The following PLEKHA5 variants were observed in gnomAD, a reference collection of about 807,000 sequenced individuals.
PLEKHA5 encodes pleckstrin homology domain-containing family A member 5.
PLEKHA5 carries 55 observed loss-of-function variants against 181.9 expected under a neutral mutation model. That is an observed-to-expected ratio of 0.30 (90% confidence interval 0.24 to 0.38). PLEKHA5 has a LOEUF of 0.38. PLEKHA5 is among the 10% of genes least tolerant of loss of function. The pLI is 1.00. For synonymous variants in PLEKHA5, 535 were observed against 529.4 expected, an observed-to-expected ratio of 1.01 and a Z score of -0.15; for missense variants, 1,432 against 1,549.5, an observed-to-expected ratio of 0.92 and a Z score of 1.27.
intron 3 of PLEKHA5, among the ~76,000 whole-genome samples, chr12:19,182,273 G>A (rs1016732320): frequency 6.6e-6 from 1 of 151,962 alleles, no homozygotes; most frequent in South Asian, 2.1e-4. Context: ...TTGTTTTTTC[G>A]CATCCAAGCG....
intron 3 of PLEKHA5, among the ~76,000 whole-genome samples, chr12:19,162,829 C>T (rs1046461216): frequency 1.3e-5 from 2 of 151,976 alleles, no homozygotes; most frequent in Non-Finnish European, 2.9e-5. Flanking sequence ...TAATTATGGG[C>T]GGTGATGGTG....
intron 3 of PLEKHA5, among the ~76,000 whole-genome samples, chr12:19,205,860 C>T (rs1313993453): frequency 6.6e-6 from 1 of 151,950 alleles, no homozygotes; most frequent in Non-Finnish European, 1.5e-5. Context: ...AGGTAAGACC[C>T]AGTTTGCATA....
chr12:19,345,512 C>A (rs1379648303), intron 22 of PLEKHA5, among the ~76,000 whole-genome samples: 3 of 151,734 alleles, frequency 2.0e-5, no homozygotes, highest in African/African-American at 7.3e-5. Flanking sequence ...GCCTGTAATC[C>A]CAGCACTTTG....
intron 3 of PLEKHA5, among the ~76,000 whole-genome samples, chr12:19,243,772 C>G (rs2063121099): frequency 6.6e-6 from 1 of 151,620 alleles, no homozygotes; most frequent in African/African-American, 2.4e-5. Context: ...TTTTACCCCT[C>G]AAAAAAAATT....
chr12:19,258,561 C>CTTT (rs71440398), intron 6 of PLEKHA5, among the ~76,000 whole-genome samples: 1,243 of 123,804 alleles, frequency 0.01, 56 homozygotes, highest in East Asian at 0.014. Flanking sequence ...TTTTCTTTTT[C>CTTT]TTTTTTTTTT....
At chr12:19,157,832 T>A (rs2042107499) in intron 3 of PLEKHA5, among the ~76,000 whole-genome samples, 1 of 152,154 alleles carries the variant, frequency 6.6e-6, no homozygotes, top group Non-Finnish European at 1.5e-5. Flanking sequence ...AACTGCCATG[T>A]ACAATATAAA....
intron 11 of PLEKHA5, among the ~76,000 whole-genome samples, chr12:19,277,560 A>C (rs2074935806): frequency 6.6e-6 from 1 of 152,156 alleles, no homozygotes; most frequent in Non-Finnish European, 1.5e-5. Context: ...CAGTTTTTAT[A>C]AATACTGTTA....
intron 15 of PLEKHA5, among the ~76,000 whole-genome samples, chr12:19,299,407 A>T (rs2080834944): frequency 6.6e-6 from 1 of 152,222 alleles, no homozygotes; most frequent in African/African-American, 2.4e-5. Flanking sequence ...CCATTTAGTC[A>T]GCAAATCTTG....
rs73343070 is a variant in PLEKHA5, at chr12:19,160,445, C to G, written c.227+27995C>G. On this transcript the variant is annotated intron_variant, in intron 3 of 31. Transcript: ENST00000429027. ...TATACTCCTTGAAAAAATGTTTTTT[C>G]TGAATAGAAAGGAATATGTGCTTCT... 5.3e-3 allele frequency among the ~76,000 whole-genome samples: 801 copies of G among 152,074 alleles called. 11 individuals are homozygous for G. The highest frequency in any genetic ancestry group is 0.019 in the African/African-American group (772 of 41,522).
At chr12:19,283,096 G>A (rs867751914) in intron 11 of PLEKHA5, among the ~76,000 whole-genome samples, 184 bp from the exon 12 acceptor site, 1 of 127,584 alleles carries the variant, frequency 7.8e-6, no homozygotes, top group Non-Finnish European at 1.5e-5. Flanking sequence ...GCAGTGAGCC[G>A]AGATCACGCC....
intron 3 of PLEKHA5, among the ~76,000 whole-genome samples, chr12:19,188,684 T>C (rs1019550359): frequency 1.3e-5 from 2 of 152,220 alleles, no homozygotes; most frequent in African/African-American, 4.8e-5. Flanking sequence ...ATGAAAGTAC[T>C]GTATTAATAA....
At chr12:19,275,113 CTT>C in intron 11 of PLEKHA5, 130 bp downstream of exon 11, 1 of 630,014 alleles carries the variant, frequency 1.6e-6, no homozygotes, top group East Asian at 2.7e-5. Context: ...ATTACTACGT[CTT>C]TTGTTTATAA....
At chr12:19,208,312 G>GA (rs1317778908) in intron 3 of PLEKHA5, among the ~76,000 whole-genome samples, 1 of 151,918 alleles carries the variant, frequency 6.6e-6, no homozygotes, top group Non-Finnish European at 1.5e-5. Flanking sequence ...GGAGGCTGAG[G>GA]AGGAGAATCG....
At chr12:19,235,192 T>C (rs1456205545) in intron 3 of PLEKHA5, among the ~76,000 whole-genome samples, 1 of 152,212 alleles carries the variant, frequency 6.6e-6, no homozygotes, top group Non-Finnish European at 1.5e-5. Flanking sequence ...TCAAATTACA[T>C]GATGAAATAA....
intron 21 of PLEKHA5, among the ~76,000 whole-genome samples, chr12:19,340,510 A>AG (rs2093811189): frequency 6.7e-6 from 1 of 148,154 alleles, no homozygotes; most frequent in East Asian, 2.0e-4. Flanking sequence ...TGGAATAGAA[A>AG]GGGGGGAAAG....
chr12:19,167,247 T>C (rs2044606876), intron 3 of PLEKHA5, among the ~76,000 whole-genome samples: 1 of 152,058 alleles, frequency 6.6e-6, no homozygotes, highest in African/African-American at 2.4e-5. Context: ...GAATGTCAGT[T>C]TCAAAAGGGA....
intron 29 of PLEKHA5, 122 bp from the exon 30 acceptor site, chr12:19,365,842 G>T: frequency 1.6e-6 from 1 of 619,608 alleles, no homozygotes; most frequent in East Asian, 2.9e-5. Context: ...AGAAAGAAAA[G>T]ATTAATTGTA....
At chr12:19,195,728 TA>T (rs1228408131) in intron 3 of PLEKHA5, among the ~76,000 whole-genome samples, 1 of 147,504 alleles carries the variant, frequency 6.8e-6, no homozygotes. Flanking sequence ...GCTATTAACA[TA>T]TACCATTCGG....
In PLEKHA5 at chr12:19,261,282, C is replaced by T. The variant is rs564386801; in HGVS notation, c.610+261C>T. Among the ~76,000 whole-genome samples the T allele has an allele frequency of 1.2e-4, 19 of 152,150 alleles. 1 individual carries two copies. Among genetic ancestry groups the T allele is most frequent in the South Asian group, 4.1e-4 (2 of 4,824 alleles). ...TGCTCTATAATGCTACTCTTGAATT[C>T]GGTGCTTAATAGATACAATCCTTAG... On this transcript the variant is annotated intron_variant, in intron 7 of 31. Coordinates refer to ENST00000429027, the MANE Select transcript of PLEKHA5 (RefSeq NM_001256470.2).
Sources: gnomAD v4.1 joint callset for allele counts (sites outside exome capture counted in the v4.1 genomes callset) on GRCh38, gnomAD v4.1.1 for gene constraint, MANE v1.5 for transcripts, NCBI Gene and HGNC (gene_info 2026-07-23, HGNC 2026-07-21) for gene names.